Variants in TSHZ2 observed in about 807,000 individuals in gnomAD.
TSHZ2 encodes the protein teashirt homolog 2.
Under a neutral mutation model 74.4 loss-of-function variants are expected in TSHZ2, and 21 were observed. The observed-to-expected ratio is 0.28, with a 90% CI of 0.20 to 0.41. TSHZ2 has a LOEUF of 0.41. Ranked by LOEUF, TSHZ2 falls within the 10% of genes least tolerant of loss-of-function variation. The probability of loss-of-function intolerance (pLI) is 1.00; values close to 1 mark genes in which losing one functional copy is unlikely to be tolerated. For missense variants in TSHZ2, 1,244 were observed against 1,293.5 expected, an observed-to-expected ratio of 0.96 and a Z score of 0.59; for synonymous variants, 540 against 515.3, an observed-to-expected ratio of 1.05 and a Z score of -0.65.
At chr20:53,354,646 C>T (rs563162451) in intron 2 of TSHZ2, among the ~76,000 whole-genome samples, 6 of 152,182 alleles carry the variant, frequency 3.9e-5, no homozygotes, top group South Asian at 2.1e-4. Flanking sequence ...AGAGAAATTC[C>T]GAGATGAAAA....
chr20:53,041,239 G>T (rs1984030973), intron 1 of TSHZ2, among the ~76,000 whole-genome samples: 1 of 152,206 alleles, frequency 6.6e-6, no homozygotes, highest in African/African-American at 2.4e-5. Context: ...TTGGACATAA[G>T]GGCTCAAATG....
intron 2 of TSHZ2, among the ~76,000 whole-genome samples, chr20:53,344,261 G>T (rs1980348188): frequency 6.6e-6 from 1 of 151,848 alleles, no homozygotes; most frequent in African/African-American, 2.4e-5. Flanking sequence ...TCATTACTGG[G>T]AATTTATTGC....
intron 2 of TSHZ2, among the ~76,000 whole-genome samples, chr20:53,358,030 C>T (rs1348133131): frequency 6.6e-6 from 1 of 152,088 alleles, no homozygotes; most frequent in East Asian, 1.9e-4. Flanking sequence ...TGGAAAGAAC[C>T]AGGGAGAGAT....
chr20:53,122,073 G>A (rs1256851428), intron 1 of TSHZ2, among the ~76,000 whole-genome samples: 2 of 152,046 alleles, frequency 1.3e-5, no homozygotes, highest in East Asian at 1.9e-4. Flanking sequence ...GATGGGTTGA[G>A]CTCAGTAGTT....
At chr20:53,307,954 G>T (rs1978614783) in intron 2 of TSHZ2, among the ~76,000 whole-genome samples, 1 of 152,106 alleles carries the variant, frequency 6.6e-6, no homozygotes, top group Admixed American at 6.5e-5. Flanking sequence ...TCCAAAGATG[G>T]CAGTGGCTAC....
chr20:53,405,094 C>T (rs1166418898), intron 2 of TSHZ2, among the ~76,000 whole-genome samples: 2 of 152,058 alleles, frequency 1.3e-5, no homozygotes, highest in Non-Finnish European at 2.9e-5. Flanking sequence ...TACAAAAATA[C>T]AAAAATTAGC....
chr20:52,974,676 A>G (rs1396855940), intron 1 of TSHZ2, among the ~76,000 whole-genome samples: 1 of 152,210 alleles, frequency 6.6e-6, no homozygotes, highest in Non-Finnish European at 1.5e-5. Flanking sequence ...CTTAGAACAA[A>G]TCCAAAGTTA....
intron 1 of TSHZ2, among the ~76,000 whole-genome samples, chr20:52,987,183 G>A (rs1472428661): frequency 1.3e-5 from 2 of 152,202 alleles, no homozygotes; most frequent in South Asian, 2.1e-4. Context: ...CAAATATGGA[G>A]GGAATGGGAA....
chr20:53,367,247 TACAA>T (rs1301024683), intron 2 of TSHZ2, among the ~76,000 whole-genome samples: 1 of 147,774 alleles, frequency 6.8e-6, no homozygotes, highest in African/African-American at 2.5e-5. Flanking sequence ...AAAAAAAAAA[TACAA>T]AAATTAGCCA....
chr20:53,391,145 GTTTT>G (rs1568897038), intron 2 of TSHZ2, among the ~76,000 whole-genome samples: 37 of 150,456 alleles, frequency 2.5e-4, no homozygotes, highest in African/African-American at 8.2e-4. Context: ...GTTTTGTTTT[GTTTT>G]GTTTTGGTTT....
chr20:53,055,043 G>A (rs763212739), intron 1 of TSHZ2, among the ~76,000 whole-genome samples: 19 of 152,102 alleles, frequency 1.2e-4, no homozygotes, highest in Admixed American at 3.9e-4. Context: ...ATAACTAACC[G>A]AACAACACTA....
intron 2 of TSHZ2, among the ~76,000 whole-genome samples, chr20:53,303,544 G>T (rs1978392270): frequency 6.6e-6 from 1 of 152,198 alleles, no homozygotes; most frequent in Admixed American, 6.5e-5. Context: ...AAGGCTTGCA[G>T]CCTGTGCAGA....
chr20:53,191,358 A>G (rs781456614), intron 1 of TSHZ2, among the ~76,000 whole-genome samples: 3 of 152,198 alleles, frequency 2.0e-5, no homozygotes, highest in Non-Finnish European at 4.4e-5. Context: ...CATTCATGAA[A>G]TGTTATAAAA....
At chr20:53,371,659 T>G (rs1461535354) in intron 2 of TSHZ2, among the ~76,000 whole-genome samples, 1 of 152,130 alleles carries the variant, frequency 6.6e-6, no homozygotes, top group Non-Finnish European at 1.5e-5. Flanking sequence ...GCGGATCACT[T>G]GAGACCAGGA....
chr20:53,195,903 G>A (rs1303284746), intron 1 of TSHZ2, among the ~76,000 whole-genome samples: 1 of 152,176 alleles, frequency 6.6e-6, no homozygotes, highest in African/African-American at 2.4e-5. Flanking sequence ...CTAACTGCAG[G>A]TGACTTAGAA....
At chr20:53,046,317 TCCG>T (rs895695380) in intron 1 of TSHZ2, among the ~76,000 whole-genome samples, 1 of 152,122 alleles carries the variant, frequency 6.6e-6, no homozygotes, top group African/African-American at 2.4e-5. Context: ...CCACGTGACC[TCCG>T]CCGCCAACAT....
rs111971058 is a variant in TSHZ2, at chr20:52,987,710, T to C, written c.40+14377T>C. On this transcript the variant is annotated intron_variant, in intron 1 of 2. Coordinates refer to ENST00000371497, the MANE Select transcript of TSHZ2 (RefSeq NM_173485.6). ...GCATGCATTTACACATTTGTCTACC[T>C]GGTCTCAGCATGAAACAGAGCCCAG... 8.0e-3 allele frequency among the ~76,000 whole-genome samples: 1,212 copies of C among 152,326 alleles called. 23 individuals carry two copies. The highest frequency in any genetic ancestry group is 0.028 in the African/African-American group (1,148 of 41,576).
At chr20:52,994,319 C>T (rs1051242453) in intron 1 of TSHZ2, among the ~76,000 whole-genome samples, 7 of 151,382 alleles carry the variant, frequency 4.6e-5, no homozygotes, top group South Asian at 2.1e-4. Flanking sequence ...GAAAAATAGA[C>T]GGGTGAATGA....
chr20:53,296,670 A>G (rs768136114), intron 2 of TSHZ2, among the ~76,000 whole-genome samples: 1 of 152,188 alleles, frequency 6.6e-6, no homozygotes, highest in Non-Finnish European at 1.5e-5. Flanking sequence ...CCATCTTCCT[A>G]GAAACTTCTT....
Sources: allele counts gnomAD v4.1 joint callset (sites outside exome capture counted in the v4.1 genomes callset), GRCh38; gene constraint gnomAD v4.1.1; transcripts MANE v1.5; gene names NCBI Gene and HGNC (gene_info 2026-07-23, HGNC 2026-07-21).